Variants in HDAC4 observed in about 807,000 individuals in gnomAD.
HDAC4 encodes histone deacetylase 4, also known as histone deacetylase A.
In HDAC4, 16 loss-of-function variants were observed where a neutral mutation model predicts 135.1. The observed-to-expected ratio is 0.12, with a 90% confidence interval of 0.08 to 0.18. The LOEUF is 0.18. HDAC4 is among the 10% of genes least tolerant of loss of function. The pLI is 1.00. For synonymous variants in HDAC4, 685 were observed against 653.4 expected, an observed-to-expected ratio of 1.05 and a Z score of -0.74; for missense variants, 1,143 against 1,511.8, an observed-to-expected ratio of 0.76 and a Z score of 4.05.
At position 239,139,653 on chromosome 2, in the gene HDAC4, G is replaced by A. The variant is rs753155327; in HGVS notation, c.978+31C>T. 504 of 1,584,432 alleles carry A rather than the reference G, an allele frequency of 3.2e-4. 6 individuals are homozygous for A. The highest frequency in any genetic ancestry group is 5.5e-4 in the South Asian group (50 of 90,550). On this transcript the variant is annotated intron_variant, in intron 9 of 26. Transcript: ENST00000543185. The surrounding 1 kb of genome is among the most constrained non-coding windows in gnomAD (Gnocchi z 5.3). ...ATCCGTCCCGAGTCCGACTCTAGCC[G>A]TAGGACACAGGACAAACGCTTCGCA... is the stretch of plus-strand genomic sequence containing the variant.
chr2:239,285,420 G>C lies in HDAC4; in HGVS notation c.23-48756C>G, dbSNP rs1288857319. Among the ~76,000 whole-genome samples, 1 of 152,212 alleles carries C rather than the reference G, an allele frequency of 6.6e-6. No individual in the cohort carries two copies. Among genetic ancestry groups the C allele is most frequent in the African/African-American group, 2.4e-5 (1 of 41,458 alleles). The stretch of plus-strand genomic sequence containing the variant: ...AAGGAAGGAGAAGCCTTACAGCAAG[G>C]GGTTCCACCGAGGCTGGGGCTTCGC... On this transcript the variant is annotated intron_variant, in intron 2 of 26. Coordinates refer to ENST00000543185, the MANE Select transcript of HDAC4 (RefSeq NM_001378414.1). The surrounding 1 kb of genome is among the most constrained non-coding windows in gnomAD (Gnocchi z 4.5).
intron 2 of HDAC4, among the ~76,000 whole-genome samples, chr2:239,276,582 C>T (rs1575589267): frequency 1.3e-5 from 2 of 152,350 alleles, no homozygotes; most frequent in South Asian, 2.1e-4. Context: ...ACCGATACAC[C>T]GCAGACACCA....
chr2:239,119,981 A>G (rs1319633675), intron 12 of HDAC4, among the ~76,000 whole-genome samples: 1 of 55,432 alleles, frequency 1.8e-5, no homozygotes, highest in Admixed American at 2.6e-4. Flanking sequence ...AGTGCCAGAG[A>G]AGGCAGTGGG....
chr2:239,094,622 C>T (rs1219027607), intron 17 of HDAC4: 4 of 1,143,276 alleles, frequency 3.5e-6, no homozygotes, highest in African/African-American at 3.2e-5. Flanking sequence ...CCACCTGTAG[C>T]TTCGGGTGGA....
At chr2:239,077,556 G>A (rs1383271332) in intron 22 of HDAC4, among the ~76,000 whole-genome samples, 1 of 152,264 alleles carries the variant, frequency 6.6e-6, no homozygotes, top group South Asian at 2.1e-4. Flanking sequence ...TAGCTTATAT[G>A]CTTTTGCTTC....
At chr2:239,290,737 C>G (rs985470981) in intron 2 of HDAC4, among the ~76,000 whole-genome samples, 1 of 152,056 alleles carries the variant, frequency 6.6e-6, no homozygotes, top group African/African-American at 2.4e-5. Flanking sequence ...CGTACGCACA[C>G]ACGCGCACGC....
intron 2 of HDAC4, among the ~76,000 whole-genome samples, chr2:239,271,304 G>A (rs754884288): frequency 1.3e-5 from 2 of 152,108 alleles, no homozygotes; most frequent in Non-Finnish European, 2.9e-5. Context: ...AGTAGAGTAG[G>A]GGTTTGAGAA....
chr2:239,233,992 C>T (rs2047742686), intron 3 of HDAC4, among the ~76,000 whole-genome samples: 2 of 152,218 alleles, frequency 1.3e-5, no homozygotes, highest in Admixed American at 1.3e-4. Context: ...TTTATACTCC[C>T]ATACCATAAA....
intron 2 of HDAC4, among the ~76,000 whole-genome samples, chr2:239,290,775 G>A (rs1454629912): frequency 3.3e-5 from 5 of 152,176 alleles, no homozygotes; most frequent in East Asian, 1.9e-4. Flanking sequence ...ACACGCTCCC[G>A]TGTTTAGTGT....
At chr2:239,124,913 G>A (rs979143161) in intron 12 of HDAC4, among the ~76,000 whole-genome samples, 6 of 143,554 alleles carry the variant, frequency 4.2e-5, no homozygotes, top group African/African-American at 5.3e-5. Flanking sequence ...GTGACATTCC[G>A]GTGTGCTGGC....
intron 2 of HDAC4, among the ~76,000 whole-genome samples, chr2:239,293,585 C>A (rs2051666469): frequency 6.6e-6 from 1 of 152,166 alleles, no homozygotes. Context: ...AGAGCAGGAG[C>A]CCGAGGCCCA....
At chr2:239,269,128 T>C (rs2049909475) in intron 2 of HDAC4, among the ~76,000 whole-genome samples, 1 of 152,098 alleles carries the variant, frequency 6.6e-6, no homozygotes. Flanking sequence ...CAGACGTACA[T>C]ACATTCATTA....
intron 2 of HDAC4, among the ~76,000 whole-genome samples, chr2:239,244,099 G>A (rs993059880): frequency 1.3e-5 from 2 of 152,314 alleles, no homozygotes; most frequent in African/African-American, 4.8e-5. Context: ...GAACACCTAA[G>A]CAAGGGCTGA....
At chr2:239,121,340 G>A (rs1292234303) in intron 12 of HDAC4, among the ~76,000 whole-genome samples, 1 of 152,218 alleles carries the variant, frequency 6.6e-6, no homozygotes, top group African/African-American at 2.4e-5. Flanking sequence ...ATGAATGGCG[G>A]TGGAGGTAGT....
intron 1 of HDAC4, among the ~76,000 whole-genome samples, chr2:239,365,016 T>A (rs1694098013): frequency 6.6e-6 from 1 of 152,228 alleles, no homozygotes; most frequent in South Asian, 2.1e-4. Context: ...ACAAAATATA[T>A]ATGAAATCAT....
chr2:239,120,412 C>CACAG (rs904563752), intron 12 of HDAC4, among the ~76,000 whole-genome samples: 2 of 139,892 alleles, frequency 1.4e-5, no homozygotes, highest in East Asian at 2.2e-4. Context: ...GACACACACA[C>CACAG]ACAGACACAG....
Position 239,375,875 on chromosome 2 carries a change from G to T in HDAC4, c.-219-22957C>A, listed in dbSNP as rs758955672. Among the ~76,000 whole-genome samples, 284 of 152,322 alleles carry T rather than the reference G, an allele frequency of 1.9e-3. 1 individual carries two copies. The highest frequency in any genetic ancestry group is 2.1e-3 in the Non-Finnish European group (141 of 68,008). The stretch of plus-strand genomic sequence containing the variant: ...CCCAGGCCTCTTGCCGGCCCTTATG[G>T]GGGAGGGTGCTGGAGAAGAGGGGGG... On this transcript the variant is annotated intron_variant, in intron 1 of 26. Coordinates refer to ENST00000543185, the MANE Select transcript of HDAC4 (RefSeq NM_001378414.1).
intron 12 of HDAC4, among the ~76,000 whole-genome samples, chr2:239,118,867 T>G (rs2039378685): frequency 6.6e-6 from 1 of 152,140 alleles, no homozygotes; most frequent in South Asian, 2.1e-4. Flanking sequence ...ACTTGATGAT[T>G]TTGAGGTCTG....
chr2:239,337,840 C>T (rs777295305), intron 2 of HDAC4, among the ~76,000 whole-genome samples: 15 of 152,106 alleles, frequency 9.9e-5, no homozygotes, highest in African/African-American at 2.9e-4. Context: ...AATAAATGAG[C>T]GGACTGGACC....
Sources: allele counts gnomAD v4.1 joint callset (sites outside exome capture counted in the v4.1 genomes callset), GRCh38; gene constraint gnomAD v4.1.1; non-coding constraint Gnocchi (gnomAD v3.1); transcripts MANE v1.5; gene names NCBI Gene and HGNC (gene_info 2026-07-23, HGNC 2026-07-21).